The following INSR variants were observed in gnomAD, a reference collection of about 807,000 sequenced individuals.
The protein encoded by INSR is insulin receptor, also known as IR.
In INSR, 67 loss-of-function variants were observed where a neutral mutation model predicts 142.6. The ratio of observed to expected loss-of-function variants is 0.47; its 90% CI spans 0.39 to 0.58. The LOEUF is 0.58. Ranked by LOEUF, INSR falls within the 20% of genes least tolerant of loss-of-function variation. INSR has a pLI of 0.00. For missense variants in INSR, 1,248 were observed against 1,833.2 expected, an observed-to-expected ratio of 0.68 and a Z score of 5.83; for synonymous variants, 756 against 743.1, an observed-to-expected ratio of 1.02 and a Z score of -0.28.
chr19:7,280,093 G>A (rs111377853), intron 1 of INSR, among the ~76,000 whole-genome samples: 13,994 of 151,246 alleles, frequency 0.093, 1,831 homozygotes, highest in African/African-American at 0.29. Flanking sequence ...GTGAAACTCC[G>A]TCTCTACTAA....
At chr19:7,261,023 G>T (rs1166979998) in intron 2 of INSR, among the ~76,000 whole-genome samples, 3 of 151,934 alleles carry the variant, frequency 2.0e-5, no homozygotes, top group Non-Finnish European at 2.9e-5. Flanking sequence ...AAGTAGCTGG[G>T]GTTACAGGCA....
chr19:7,193,600 ATTTTAT>A (rs1294693406), intron 2 of INSR, among the ~76,000 whole-genome samples: 1 of 151,960 alleles, frequency 6.6e-6, no homozygotes, highest in African/African-American at 2.4e-5. Context: ...AAAGTGCCCT[ATTTTAT>A]TTTTATTTTT....
At chr19:7,136,940 C>A (rs574725263) in intron 13 of INSR, among the ~76,000 whole-genome samples, 1 of 151,576 alleles carries the variant, frequency 6.6e-6, no homozygotes, top group African/African-American at 2.4e-5. Flanking sequence ...TCAAGTGATT[C>A]TCTTGTCTTA....
intron 1 of INSR, among the ~76,000 whole-genome samples, chr19:7,287,175 T>C (rs1205794043): frequency 2.4e-5 from 3 of 127,376 alleles, no homozygotes; most frequent in African/African-American, 8.1e-5. Context: ...TTTTTTTTTT[T>C]TTGAGATGGA....
intron 2 of INSR, among the ~76,000 whole-genome samples, chr19:7,185,964 G>A (rs1169244775): frequency 2.0e-5 from 3 of 151,562 alleles, no homozygotes; most frequent in Admixed American, 1.3e-4. Flanking sequence ...GGAGGCCAAG[G>A]TGGGCGGATC....
chr19:7,289,427 A>T, intron 1 of INSR, among the ~76,000 whole-genome samples: 1 of 136,706 alleles, frequency 7.3e-6, no homozygotes, highest in Admixed American at 7.6e-5. Context: ...TTTTTTTGAG[A>T]CAGAGTCTCT....
intron 17 of INSR, among the ~76,000 whole-genome samples, chr19:7,123,549 T>C (rs1972546966): frequency 6.6e-6 from 1 of 152,136 alleles, no homozygotes; most frequent in Non-Finnish European, 1.5e-5. Context: ...CCTCTAAGTC[T>C]TTGCTCAAAT....
intron 2 of INSR, among the ~76,000 whole-genome samples, chr19:7,199,838 G>A (rs750750580): frequency 1.3e-5 from 1 of 77,582 alleles, no homozygotes; most frequent in Non-Finnish European, 2.6e-5. Flanking sequence ...AGACACATAC[G>A]CCCCGTGAAG....
In INSR at chr19:7,193,835, G is replaced by A. The variant is rs568319465; in HGVS notation, c.653-9198C>T. On this transcript the variant is annotated intron_variant, in intron 2 of 21. Coordinates refer to ENST00000302850, the MANE Select transcript of INSR (RefSeq NM_000208.4). ...CTCCTGAGTAGCTGGGACTACAGGC[G>A]TACACCACCATGCTTGGCTAATTTT... 1.4e-4 allele frequency among the ~76,000 whole-genome samples: 21 copies of A among 151,846 alleles called. No individual in the cohort carries two copies. In the South Asian group the frequency reaches 2.1e-3, roughly 15 times the overall value.
intron 2 of INSR, among the ~76,000 whole-genome samples, chr19:7,193,986 A>G (rs1267886805): frequency 6.9e-6 from 1 of 145,856 alleles, no homozygotes; most frequent in African/African-American, 2.5e-5. Context: ...CGTAAGCCAC[A>G]ATGCCCAGCC....
intron 13 of INSR, among the ~76,000 whole-genome samples, chr19:7,134,526 A>G (rs114621573): frequency 0.041 from 6,249 of 151,832 alleles, 213 homozygotes; most frequent in African/African-American, 0.096. Flanking sequence ...CAGCACTTTC[A>G]GGGGCCAAGG....
chr19:7,185,860 G>A (rs1017319), intron 2 of INSR, among the ~76,000 whole-genome samples: 6,471 of 44,322 alleles, frequency 0.15, 430 homozygotes, highest in African/African-American at 0.27. Flanking sequence ...AAAAAAAAAA[G>A]AGAGAGAGAG....
At chr19:7,202,996 G>GTTTTTTTTT (rs371572449) in intron 2 of INSR, among the ~76,000 whole-genome samples, 13 of 67,778 alleles carry the variant, frequency 1.9e-4, no homozygotes, top group South Asian at 9.6e-4. Flanking sequence ...GGGTTTTGTT[G>GTTTTTTTTT]TTTTTTTTTT....
At chr19:7,163,700 A>C (rs1245949868) in intron 8 of INSR, among the ~76,000 whole-genome samples, 1 of 151,970 alleles carries the variant, frequency 6.6e-6, no homozygotes, top group Non-Finnish European at 1.5e-5. Context: ...GAAGTTTCTG[A>C]AAACTGTAAG....
At chr19:7,188,134 C>A (rs926390938) in intron 2 of INSR, among the ~76,000 whole-genome samples, 3 of 152,176 alleles carry the variant, frequency 2.0e-5, no homozygotes, top group South Asian at 4.1e-4. Flanking sequence ...CCTTTGCATC[C>A]TTCAGGTCCT....
intron 8 of INSR, among the ~76,000 whole-genome samples, chr19:7,163,681 T>C (rs1049358692): frequency 6.6e-6 from 1 of 151,480 alleles, no homozygotes; most frequent in Admixed American, 6.6e-5. Flanking sequence ...TCCAAACACC[T>C]GGGAGCTAGA....
intron 1 of INSR, among the ~76,000 whole-genome samples, chr19:7,275,706 G>A (rs1968045484): frequency 6.6e-6 from 1 of 151,378 alleles, no homozygotes. Flanking sequence ...AGAATCGCTT[G>A]AACCTGGGAG....
In INSR at chr19:7,113,929, G is replaced by C. The variant is rs1415997946; in HGVS notation, c.*3127C>G. On this transcript the variant is annotated 3_prime_UTR_variant, in exon 22 of 22. Transcript: ENST00000302850. The stretch of plus-strand genomic sequence containing the variant: ...GTGCCTAAAAGTACAAGAGCAGCAA[G>C]ATTTGGGCCCCACTGGTCCTGCCTA... The C allele has an allele frequency of 6.6e-6, 1 of 151,012 alleles. No individual in the cohort carries two copies. The highest frequency in any genetic ancestry group is 1.5e-5 in the Non-Finnish European group (1 of 67,934). 9.4% of individuals were successfully genotyped at this position (151,012 alleles called of 1,614,324 possible).
rs558668124 is a variant in INSR, at chr19:7,112,734, G to A, written c.*4322C>T. 1 of 151,970 alleles carries A rather than the reference G, an allele frequency of 6.6e-6. No homozygotes were observed. Among genetic ancestry groups the A allele is most frequent in the African/African-American group, 2.4e-5 (1 of 41,426 alleles). The allele number at this position is 151,970 out of a possible 1,614,324, so 9.4% of individuals were successfully genotyped here. On this transcript the variant is annotated 3_prime_UTR_variant, in exon 22 of 22. Coordinates refer to ENST00000302850, the MANE Select transcript of INSR (RefSeq NM_000208.4). Reference sequence around the variant, plus strand: ...TCTGGACCTTGACTAGTATCAGAAGGTAAAAGTAAGCTCAAAAAGCCATTG... The same window carrying A: ...TCTGGACCTTGACTAGTATCAGAAGATAAAAGTAAGCTCAAAAAGCCATTG...
Sources: gnomAD v4.1 joint callset for allele counts (sites outside exome capture counted in the v4.1 genomes callset) on GRCh38, gnomAD v4.1.1 for gene constraint, MANE v1.5 for transcripts, NCBI Gene and HGNC (gene_info 2026-07-23, HGNC 2026-07-21) for gene names.